PCDH18: variants seen among roughly 807,000 people sequenced by gnomAD.
PCDH18 encodes protocadherin-18.
Under a neutral mutation model 71.5 loss-of-function variants are expected in PCDH18, and 38 were observed. That is an observed-to-expected ratio of 0.53 (90% CI 0.41 to 0.70). The LOEUF is 0.70. Ranked by LOEUF, PCDH18 falls within the 30% of genes least tolerant of loss-of-function variation. The pLI is 0.00. For missense variants in PCDH18, 1,334 were observed against 1,384.6 expected, an observed-to-expected ratio of 0.96 and a Z score of 0.58; for synonymous variants, 565 against 505.4, an observed-to-expected ratio of 1.12 and a Z score of -1.58.
At chr4:137,525,193 G>A (rs573581719) in intron 3 of PCDH18, among the ~76,000 whole-genome samples, 3 of 152,220 alleles carry the variant, frequency 2.0e-5, no homozygotes, top group South Asian at 4.1e-4. Context: ...AAGAAAGTAT[G>A]TTGGCAAACA....
intron 3 of PCDH18, among the ~76,000 whole-genome samples, chr4:137,526,699 G>A (rs531448234): frequency 5.3e-5 from 8 of 152,066 alleles, no homozygotes; most frequent in Admixed American, 4.6e-4. Flanking sequence ...ATATATTATA[G>A]CATCTATTAC....
intron 3 of PCDH18, among the ~76,000 whole-genome samples, chr4:137,524,373 C>T (rs1731386979): frequency 6.6e-6 from 1 of 152,072 alleles, no homozygotes; most frequent in Non-Finnish European, 1.5e-5. Flanking sequence ...TGAAGTGCAA[C>T]AATAGCACCC....
chr4:137,524,789 A>AT (rs1220158516), intron 3 of PCDH18, among the ~76,000 whole-genome samples: 3 of 152,306 alleles, frequency 2.0e-5, no homozygotes, highest in Non-Finnish European at 4.4e-5. Context: ...TTAAGTATTG[A>AT]TTTTGAGCCA....
rs368655052 is a variant in PCDH18, at chr4:137,532,071, A to G, written c.18T>C (p.Ala6=). The G allele has an allele frequency of 1.2e-5, 19 of 1,609,234 alleles. No individual in the cohort carries two copies. In the African/African-American group the frequency reaches 2.0e-4, roughly 17 times the overall value. MHQMN[A]KMHFRFVFAL... ...CAAAAACAAACCTAAAGTGCATTTT[A>G]GCATTCATTTGGTGCATTGGTCAGT... is the stretch of plus-strand genomic sequence containing the variant. Residue 6 remains alanine, a synonymous_variant, in exon 1 of 4, where the codon GCT becomes GCC. Transcript: ENST00000344876.
chr4:137,529,815 G>A lies in PCDH18; in HGVS notation c.2274C>T (p.Asp758=). 6.2e-7 allele frequency: 1 copy of A among 1,611,712 alleles called. No individual in the cohort carries two copies. Among genetic ancestry groups the A allele is most frequent in the Non-Finnish European group, 8.5e-7 (1 of 1,178,338 alleles). The part of the protein sequence containing the change: ...KRPSRQIHKG[D]ITLVPTINGT... ...CATTTATGGTAGGCACCAATGTGATGTCCCCTTTGTGAATCTGCCGGGATG... is the reference window on the plus strand; with the variant it reads ...CATTTATGGTAGGCACCAATGTGATATCCCCTTTGTGAATCTGCCGGGATG... Residue 758 remains aspartate, a synonymous_variant, in exon 1 of 4, where the codon GAC becomes GAT. Coordinates refer to ENST00000344876, the MANE Select transcript of PCDH18 (RefSeq NM_019035.5).
Position 137,530,887 on chromosome 4 carries a change from C to T in PCDH18, c.1202G>A (p.Gly401Glu). Residue 401 changes from glycine (G) to glutamate (E), a missense_variant, in exon 1 of 4, where the codon GGA becomes GAA. Gly to Glu is a moderately conservative substitution (Grantham distance 98, BLOSUM62 -2). This residue lies in a region of PCDH18 where 1,011 missense variants were observed against 1,048.0 expected (regional missense o/e 0.96). Transcript: ENST00000344876. ...LNGEIVCKLH[G>E]HGHFKLQKTY... ...CTTCTGAAGTTTAAAGTGACCATGTCCATGAAGCTTACAAACTATTTCTCC... is the reference window on the plus strand; with the variant it reads ...CTTCTGAAGTTTAAAGTGACCATGTTCATGAAGCTTACAAACTATTTCTCC... The T allele has an allele frequency of 2.5e-6, 4 of 1,611,944 alleles. No individual in the cohort carries two copies. Among genetic ancestry groups the T allele is most frequent in the Non-Finnish European group, 3.4e-6 (4 of 1,178,872 alleles).
In PCDH18 at chr4:137,529,879, C is replaced by A. The variant is rs1202495172; in HGVS notation, c.2210G>T (p.Arg737Met). The A allele has an allele frequency of 6.2e-7, 1 of 1,613,830 alleles. No homozygotes were observed. The highest frequency in any genetic ancestry group is 1.7e-5 in the Admixed American group (1 of 59,976). The change falls in exon 1 of 4, where the codon AGG becomes ATG. Residue 737 changes from arginine to methionine, a missense_variant. Arg to Met is a moderately conservative substitution (Grantham distance 91). Transcript: ENST00000344876. ...EKKDTRSYNC[R>M]VAESTYQHHP... ...GTGCTGGTAAGTTGATTCGGCCACC[C>A]TGCAGTTATAGGATCTAGTGTCTTT...
chr4:137,530,188 C>A lies in PCDH18; in HGVS notation c.1901G>T (p.Arg634Leu), dbSNP rs202041043. ...AACGTTGGTATGGATGTCACATGAT[C>A]GTGGATCAATTATGAAGATATTCTC... ...NEENIFIIDP[R>L]SCDIHTNVSM... Residue 634 changes from arginine (R) to leucine (L), a missense_variant, in exon 1 of 4, where the codon CGA becomes CTA. Around this residue, in one of 3 missense-constraint regions of PCDH18, gnomAD observed 1,011 missense variants for 1,048.0 expected, o/e 0.96. Coordinates refer to ENST00000344876, the MANE Select transcript of PCDH18 (RefSeq NM_019035.5). The A allele has an allele frequency of 1.6e-5, 26 of 1,613,590 alleles. No individual in the cohort carries two copies. Among genetic ancestry groups the A allele is most frequent in the African/African-American group, 2.7e-5 (2 of 74,976 alleles).
rs181047018 is a variant in PCDH18, at chr4:137,529,890, G to C, written c.2199C>G (p.Ser733=). The C allele has an allele frequency of 6.8e-6, 11 of 1,613,770 alleles. No homozygotes were observed. Among genetic ancestry groups the C allele is most frequent in the Non-Finnish European group, 1.7e-6 (2 of 1,179,934 alleles). Residue 733 remains serine, a synonymous_variant, in exon 1 of 4, where the codon TCC becomes TCG. Transcript: ENST00000344876. ...TTGATTCGGCCACCCTGCAGTTATA[G>C]GATCTAGTGTCTTTCTTCTCGCGGT... ...RCNREKKDTR[S]YNCRVAESTY...
rs1417691260 is a variant in PCDH18 at position 137,519,878 on chromosome 4, A to G, written c.*1151T>C. On this transcript the variant is annotated 3_prime_UTR_variant, in exon 4 of 4. Transcript: ENST00000344876. ...ACAGAGAGATCACAGCACAATAAAT[A>G]AAGGATTTCTCATTTGCCACACAAC... 6.6e-6 allele frequency: 1 copy of G among 152,644 alleles called. No individual in the cohort carries two copies. Among genetic ancestry groups the G allele is most frequent in the Non-Finnish European group, 1.5e-5 (1 of 68,042 alleles). 9.5% of individuals were successfully genotyped at this position (152,644 alleles called of 1,614,324 possible). A position where few individuals can be genotyped will look rare whatever the true frequency, so the allele number is the denominator to read the frequency against.
At chr4:137,527,849 T>A (rs1731524591) in intron 3 of PCDH18, among the ~76,000 whole-genome samples, 2 of 152,152 alleles carry the variant, frequency 1.3e-5, no homozygotes, top group Admixed American at 6.6e-5. Context: ...CTTAATAGCA[T>A]CTCTTCTATC....
chr4:137,525,856 A>T (rs1011766556), intron 3 of PCDH18, among the ~76,000 whole-genome samples: 5 of 152,066 alleles, frequency 3.3e-5, no homozygotes, highest in South Asian at 2.1e-4. Flanking sequence ...ATTTTTTTTT[A>T]AAAATTGTCT....
In PCDH18 at chr4:137,520,997, A is replaced by T. The variant is rs761011796; in HGVS notation, c.*32T>A. 1 of 1,497,042 alleles carries T rather than the reference A, an allele frequency of 6.7e-7. No homozygotes were observed. Among genetic ancestry groups the T allele is most frequent in the East Asian group, 2.3e-5 (1 of 43,860 alleles). The allele number at this position is 1,497,042 out of a possible 1,614,324, so 92.7% of individuals were successfully genotyped here. On this transcript the variant is annotated 3_prime_UTR_variant, in exon 4 of 4. Transcript: ENST00000344876. ...TTGTTGTTGTTCCCTATTTCCATAT[A>T]CATGGAAACAAAAATGCTTCGCTAA... is the stretch of plus-strand genomic sequence containing the variant.
chr4:137,532,263 G>T lies in PCDH18; in HGVS notation c.-175C>A. On this transcript the variant is annotated 5_prime_UTR_variant, in exon 1 of 4. Transcript: ENST00000344876. ...TTTTGTTTTATACACACCGTGTCAC[G>T]ACTTCCAGATACCTTCGGCATGGAG... 1 of 707,958 alleles carries T rather than the reference G, an allele frequency of 1.4e-6. No individual in the cohort carries two copies. Among genetic ancestry groups the T allele is most frequent in the South Asian group, 1.5e-5 (1 of 68,274 alleles). The allele number at this position is 707,958 out of a possible 1,614,324, so 43.9% of individuals were successfully genotyped here.
chr4:137,525,922 G>T (rs1458291829), intron 3 of PCDH18, among the ~76,000 whole-genome samples: 1 of 152,022 alleles, frequency 6.6e-6, no homozygotes, highest in Non-Finnish European at 1.5e-5. Flanking sequence ...ATTTTGAAAA[G>T]AAATGTGATA....
chr4:137,525,684 G>C (rs767274837), intron 3 of PCDH18, among the ~76,000 whole-genome samples: 1 of 152,028 alleles, frequency 6.6e-6, no homozygotes, highest in Non-Finnish European at 1.5e-5. Flanking sequence ...CCTGGTGCTC[G>C]ATACCTCCAG....
At chr4:137,526,659 G>A (rs989207848) in intron 3 of PCDH18, among the ~76,000 whole-genome samples, 2 of 151,864 alleles carry the variant, frequency 1.3e-5, no homozygotes, top group Admixed American at 1.3e-4. Flanking sequence ...ATTGTCTCTC[G>A]AAGTCCCCCC....
At position 137,531,732 on chromosome 4, in the gene PCDH18, C is replaced by G. The variant is rs745562366; in HGVS notation, c.357G>C (p.Gln119His). The G allele has an allele frequency of 6.2e-7, 1 of 1,614,030 alleles. No homozygotes were observed. Among genetic ancestry groups the G allele is most frequent in the Non-Finnish European group, 8.5e-7 (1 of 1,179,962 alleles). The change falls in exon 1 of 4, where the codon CAG (glutamine) becomes CAC (histidine). Residue 119 changes from glutamine (Q) to histidine (H), a missense_variant. By Grantham distance (24) the Gln-to-His change is conservative (BLOSUM62 0). Around this residue, in one of 3 missense-constraint regions of PCDH18, gnomAD observed 1,011 missense variants for 1,048.0 expected, o/e 0.96. Transcript: ENST00000344876. ...GCACTTCAACTTCAATATGGAAAAGCTGCAGATGCTCTGTGGGTAGAGTGA... is the reference window on the plus strand; with the variant it reads ...GCACTTCAACTTCAATATGGAAAAGGTGCAGATGCTCTGTGGGTAGAGTGA... ...DVITLPTEHLQLFHIEVEVLD... is the reference protein window; with the variant it reads ...DVITLPTEHLHLFHIEVEVLD...
rs1731613480 is a variant in PCDH18 at position 137,530,052 on chromosome 4, A to G, written c.2037T>C (p.Tyr679=). The G allele has an allele frequency of 1.2e-6, 2 of 1,614,026 alleles. No homozygotes were observed. The highest frequency in any genetic ancestry group is 1.7e-6 in the Non-Finnish European group (2 of 1,179,988). ...KVLLKCMIFE[Y]AESVTSTAMT... ...TTGCTGTACTTGTCACCGACTCTGC[A>G]TATTCAAAGATCATGCACTTCAGAA... is the stretch of plus-strand genomic sequence containing the variant. Residue 679 remains tyrosine, a synonymous_variant, in exon 1 of 4, where the codon TAT becomes TAC. Coordinates refer to ENST00000344876, the MANE Select transcript of PCDH18 (RefSeq NM_019035.5).
Sources: gnomAD v4.1 joint callset for allele counts (sites outside exome capture counted in the v4.1 genomes callset) on GRCh38, gnomAD v4.1.1 for gene constraint, gnomAD v4.1.1 regional missense constraint, MANE v1.5 for transcripts, NCBI Gene and HGNC (gene_info 2026-07-23, HGNC 2026-07-21) for gene names.